ADAMTS12: variants seen among roughly 807,000 people sequenced by gnomAD.
The protein encoded by ADAMTS12 is A disintegrin and metalloproteinase with thrombospondin motifs 12.
A neutral mutation model predicts 167.8 loss-of-function variants in ADAMTS12; 118 were observed. The observed-to-expected ratio is 0.70, with a 90% CI of 0.61 to 0.82. ADAMTS12 has a LOEUF of 0.82. Among genes scored for constraint, ADAMTS12 ranks in the 40% least tolerant of loss-of-function variants. The probability of loss-of-function intolerance (pLI) is 0.00; values close to 1 mark genes in which losing one functional copy is unlikely to be tolerated. For synonymous variants in ADAMTS12, 704 were observed against 716.9 expected (o/e 0.98, Z 0.29); for missense variants, 1,916 against 1,998.8 (o/e 0.96, Z 0.79).
chr5:33,849,146 AT>A, intron 2 of ADAMTS12, among the ~76,000 whole-genome samples: 1 of 104,940 alleles, frequency 9.5e-6, no homozygotes, highest in Non-Finnish European at 2.0e-5. Flanking sequence ...TATGTATTGC[AT>A]AGCAATATAT....
chr5:33,667,432 T>C (rs1174701287), intron 5 of ADAMTS12, among the ~76,000 whole-genome samples: 2 of 152,042 alleles, frequency 1.3e-5, no homozygotes, highest in Non-Finnish European at 2.9e-5. Context: ...GGTTACACCA[T>C]TGGTTGTATC....
intron 3 of ADAMTS12, among the ~76,000 whole-genome samples, chr5:33,724,545 C>CTTT (rs763501455): frequency 0.022 from 2,862 of 132,694 alleles, 97 homozygotes; most frequent in African/African-American, 0.076. Context: ...CTAACAGCTT[C>CTTT]TTTTTTTTTT....
At chr5:33,779,211 A>C (rs940865296) in intron 2 of ADAMTS12, among the ~76,000 whole-genome samples, 1 of 146,426 alleles carries the variant, frequency 6.8e-6, no homozygotes, top group African/African-American at 2.5e-5. Flanking sequence ...TTTGAGACGA[A>C]GTCTTGCTTT....
rs115429446 is a variant in ADAMTS12, at chr5:33,632,017, A to G, written c.1889-1104T>C. ...TTGCAGTGATTCATGTGGCCAGGAAATGAAAGTGCAAATTTCACACAAATG... is the reference window on the plus strand; with the variant it reads ...TTGCAGTGATTCATGTGGCCAGGAAGTGAAAGTGCAAATTTCACACAAATG... On this transcript the variant is annotated intron_variant, in intron 12 of 23. Coordinates refer to ENST00000504830, the MANE Select transcript of ADAMTS12 (RefSeq NM_030955.4). Among the ~76,000 whole-genome samples, 1,120 of 152,314 alleles carry G rather than the reference A, an allele frequency of 7.4e-3. 17 individuals are homozygous for G. The highest frequency in any genetic ancestry group is 0.025 in the African/African-American group (1,043 of 41,578).
intron 20 of ADAMTS12, among the ~76,000 whole-genome samples, chr5:33,553,724 G>T (rs548039891): frequency 6.6e-6 from 1 of 152,324 alleles, no homozygotes; most frequent in African/African-American, 2.4e-5. Flanking sequence ...AGGGTGGAGT[G>T]TGGGAGGAGG....
chr5:33,727,168 G>A (rs765653830), intron 3 of ADAMTS12, among the ~76,000 whole-genome samples: 4 of 152,118 alleles, frequency 2.6e-5, no homozygotes, highest in Admixed American at 2.0e-4. Flanking sequence ...AGCAAGGCAG[G>A]GTTGGCCCAA....
At chr5:33,650,364 A>T (rs571024299) in intron 7 of ADAMTS12, among the ~76,000 whole-genome samples, 7 of 152,344 alleles carry the variant, frequency 4.6e-5, no homozygotes, top group Middle Eastern at 3.4e-3. Flanking sequence ...ATCTGAATAG[A>T]ATAAAGTTTG....
chr5:33,843,881 G>C (rs1271494719), intron 2 of ADAMTS12, among the ~76,000 whole-genome samples: 1 of 152,194 alleles, frequency 6.6e-6, no homozygotes, highest in Non-Finnish European at 1.5e-5. Context: ...TAAAACTTAT[G>C]AATTATGTAT....
At chr5:33,755,262 T>C (rs996416962) in intron 2 of ADAMTS12, among the ~76,000 whole-genome samples, 2 of 152,232 alleles carry the variant, frequency 1.3e-5, no homozygotes, top group South Asian at 4.1e-4. Context: ...GTGGGCGAAT[T>C]TCCCCTGGCT....
chr5:33,586,828 C>T (rs536721759), intron 18 of ADAMTS12, among the ~76,000 whole-genome samples: 1 of 152,308 alleles, frequency 6.6e-6, no homozygotes, highest in East Asian at 1.9e-4. Flanking sequence ...CGTGATTATA[C>T]TCTCCCAGGA....
intron 16 of ADAMTS12, among the ~76,000 whole-genome samples, chr5:33,606,694 A>G (rs990141172): frequency 6.6e-6 from 1 of 152,208 alleles, no homozygotes; most frequent in African/African-American, 2.4e-5. Context: ...GACACAAACC[A>G]TTGTTATTCT....
At chr5:33,579,189 T>G (rs1337012425) in intron 18 of ADAMTS12, among the ~76,000 whole-genome samples, 3 of 152,244 alleles carry the variant, frequency 2.0e-5, no homozygotes, top group African/African-American at 7.2e-5. Context: ...TTAGTCACGC[T>G]GAGTCCCTCT....
At chr5:33,549,123 T>C in intron 21 of ADAMTS12, 84 bp downstream of exon 21, 1 of 1,503,706 alleles carries the variant, frequency 6.7e-7, no homozygotes, top group Non-Finnish European at 9.0e-7. Context: ...TGGTCTTCCC[T>C]GATTTCTACA....
intron 2 of ADAMTS12, among the ~76,000 whole-genome samples, chr5:33,828,156 C>T (rs1403338860): frequency 1.3e-5 from 2 of 152,220 alleles, no homozygotes; most frequent in African/African-American, 4.8e-5. Context: ...CCTGGCAGTG[C>T]AAGAGGTCCT....
chr5:33,731,393 C>G (rs931387053), intron 3 of ADAMTS12, among the ~76,000 whole-genome samples: 42 of 152,128 alleles, frequency 2.8e-4, no homozygotes, highest in Non-Finnish European at 4.9e-4. Flanking sequence ...TTGAAGACGA[C>G]AGCCATGTAC....
chr5:33,819,200 T>C (rs1190800200), intron 2 of ADAMTS12, among the ~76,000 whole-genome samples: 1 of 152,174 alleles, frequency 6.6e-6, no homozygotes, highest in East Asian at 1.9e-4. Flanking sequence ...TATGTTATCT[T>C]CCATGAGTTT....
intron 11 of ADAMTS12, among the ~76,000 whole-genome samples, chr5:33,638,579 C>A (rs1024735833): frequency 9.9e-5 from 15 of 152,158 alleles, no homozygotes; most frequent in Admixed American, 9.8e-4. Context: ...ATAAATGCTA[C>A]CTCCTTCACG....
chr5:33,598,563 T>A (rs902740052), intron 16 of ADAMTS12, among the ~76,000 whole-genome samples: 1 of 152,196 alleles, frequency 6.6e-6, no homozygotes, highest in Non-Finnish European at 1.5e-5. Context: ...AAGCATCTCT[T>A]ACATTTTAAA....
chr5:33,598,728 G>A (rs778148582), intron 16 of ADAMTS12, among the ~76,000 whole-genome samples: 9 of 152,162 alleles, frequency 5.9e-5, no homozygotes, highest in Non-Finnish European at 8.8e-5. Flanking sequence ...TATTGCCTTC[G>A]TGAGTGTGCA....
Sources: allele counts gnomAD v4.1 joint callset (sites outside exome capture counted in the v4.1 genomes callset), GRCh38; gene constraint gnomAD v4.1.1; transcripts MANE v1.5; gene names NCBI Gene and HGNC (gene_info 2026-07-23, HGNC 2026-07-21).